The following COPG2 variants were observed in gnomAD, a reference collection of about 807,000 sequenced individuals.
The protein encoded by COPG2 is coatomer subunit gamma-2.
Under a neutral mutation model 46.3 loss-of-function variants are expected in COPG2, and 37 were observed. The observed-to-expected ratio is 0.80, with a 90% CI of 0.61 to 1.05. The LOEUF (loss-of-function observed/expected upper bound fraction) is 1.05. Among genes scored for constraint, COPG2 ranks in the 50% least tolerant of loss-of-function variants. The pLI, the probability that COPG2 is intolerant of heterozygous loss-of-function variation, is 0.00. For missense variants in COPG2, 427 were observed against 387.8 expected (o/e 1.10, Z -0.85); for synonymous variants, 159 against 129.7 (o/e 1.23, Z -1.53).
At chr7:130,512,493 G>A (rs1799612012) in intron 20 of COPG2, among the ~76,000 whole-genome samples, 1 of 150,736 alleles carries the variant, frequency 6.6e-6, no homozygotes, top group African/African-American at 2.4e-5. Context: ...CTGTAGAGAT[G>A]GTAAGGCCGG....
rs189305277 is a variant in COPG2 at position 130,644,515 on chromosome 7, T to A, written c.323+8354A>T. Among the ~76,000 whole-genome samples, 13 of 152,268 alleles carry A rather than the reference T, an allele frequency of 8.5e-5. No homozygotes were observed. In the East Asian group the frequency reaches 2.3e-3, roughly 27 times the overall value. On this transcript the variant is annotated intron_variant, in intron 5 of 23. Coordinates refer to ENST00000425248, the MANE Select transcript of COPG2 (RefSeq NM_012133.6). ...AATGACAACCAAGGTTGTCACATAG[T>A]GATCAAGGTGCTCCATCTACCATTT...
In COPG2 at chr7:130,612,167, A is replaced by ATGG; in HGVS notation, c.563_564insCCA (p.Asp188_Asn189insHis). 1.2e-6 allele frequency: 2 copies of ATGG among 1,609,046 alleles called. No individual in the cohort carries two copies. Among genetic ancestry groups the ATGG allele is most frequent in the South Asian group, 2.2e-5 (2 of 90,806 alleles). The stretch of plus-strand genomic sequence containing the variant: ...ATGACAATACCTGGACCATAATATT[A>ATGG]TCACTTGATGCAGCTTCTTGGGCTT... On this transcript the variant is annotated inframe_insertion, in exon 8 of 24. Coordinates refer to ENST00000425248, the MANE Select transcript of COPG2 (RefSeq NM_012133.6).
chr7:130,526,344 G>A (rs1331731619), intron 20 of COPG2, among the ~76,000 whole-genome samples: 2 of 152,134 alleles, frequency 1.3e-5, no homozygotes, highest in African/African-American at 4.8e-5. Context: ...AGATGACTGA[G>A]CCCGATGAAG....
intron 9 of COPG2, chr7:130,605,145 A>C (rs1794705203): frequency 5.9e-6 from 3 of 510,642 alleles, no homozygotes; most frequent in Non-Finnish European, 7.8e-6. Flanking sequence ...TATTTTCTTT[A>C]ATCTGTTTTC....
chr7:130,535,285 G>A (rs1435199537), intron 20 of COPG2, among the ~76,000 whole-genome samples: 33 of 152,226 alleles, frequency 2.2e-4, no homozygotes, highest in East Asian at 7.8e-4. Context: ...ATGTGGAAGT[G>A]GGACAATGAG....
chr7:130,635,656 TC>T (rs1795322755), intron 5 of COPG2, among the ~76,000 whole-genome samples: 2 of 152,238 alleles, frequency 1.3e-5, no homozygotes, highest in Non-Finnish European at 2.9e-5. Context: ...AAAAACCAGC[TC>T]CTGGATTCAT....
chr7:130,524,244 T>G, intron 20 of COPG2, among the ~76,000 whole-genome samples: 1 of 151,934 alleles, frequency 6.6e-6, no homozygotes. Flanking sequence ...CAGAGATGAC[T>G]GCATCTGGTG....
At chr7:130,621,362 G>C (rs1373902854) in intron 5 of COPG2, among the ~76,000 whole-genome samples, 1 of 152,156 alleles carries the variant, frequency 6.6e-6, no homozygotes, top group African/African-American at 2.4e-5. Context: ...CAGCAGCACT[G>C]GGAAATCAAT....
At chr7:130,598,995 C>CATGCAAGGTCATGCAAGGTCAGGCAAGGT (rs1794582548) in intron 9 of COPG2, among the ~76,000 whole-genome samples, 1 of 152,158 alleles carries the variant, frequency 6.6e-6, no homozygotes, top group Admixed American at 6.5e-5. Context: ...TGCAAGGATT[C>CATGCAAGGTCATGCAAGGTCAGGCAAGGT]CAAGCAATCC....
chr7:130,615,206 G>C (rs1280610323), intron 6 of COPG2, among the ~76,000 whole-genome samples: 1 of 152,198 alleles, frequency 6.6e-6, no homozygotes, highest in Non-Finnish European at 1.5e-5. Flanking sequence ...CTCATAGGAA[G>C]TTATGTACAT....
intron 6 of COPG2, among the ~76,000 whole-genome samples, chr7:130,614,905 C>T (rs1379867407): frequency 1.3e-5 from 2 of 152,084 alleles, no homozygotes; most frequent in African/African-American, 4.8e-5. Context: ...CTTACCATAC[C>T]CTAGGAAAAT....
chr7:130,554,788 C>T (rs1793593583), intron 13 of COPG2, 64 bp from the exon 14 acceptor site: 1 of 398,356 alleles, frequency 2.5e-6, no homozygotes, highest in African/African-American at 2.1e-5. Context: ...AATGCTTACA[C>T]TCCAAGGTTT....
intron 20 of COPG2, chr7:130,509,749 C>T (rs1799566478): frequency 1.9e-6 from 1 of 516,022 alleles, no homozygotes; most frequent in South Asian, 1.4e-5. Flanking sequence ...AGTGTGTGGG[C>T]TGTGTGTGTG....
rs78874163 is a variant in COPG2 at position 130,654,309 on chromosome 7, G to C, written c.244-1361C>G. ...GAAATTCACAGATGCTAGAAATGAA[G>C]ACAACCAAACATTCACAGCCACAGA... On this transcript the variant is annotated intron_variant, in intron 4 of 23. Transcript: ENST00000425248. Among the ~76,000 whole-genome samples the C allele has an allele frequency of 7.0e-4, 106 of 152,252 alleles. No homozygotes were observed. The East Asian group carries it at 0.02, about 29-fold the overall frequency.
intron 5 of COPG2, among the ~76,000 whole-genome samples, chr7:130,621,093 AT>A (rs1795031694): frequency 1.3e-5 from 2 of 152,202 alleles, no homozygotes; most frequent in African/African-American, 4.8e-5. Context: ...CAGGAAGCAT[AT>A]GTGACAACGA....
At chr7:130,547,950 G>T (rs1793472230) in intron 19 of COPG2, 105 bp from the exon 20 acceptor site, 3 of 397,558 alleles carry the variant, frequency 7.5e-6, no homozygotes, top group African/African-American at 2.1e-5. Flanking sequence ...TATCTCTACA[G>T]AGCAGGGTAG....
intron 4 of COPG2, among the ~76,000 whole-genome samples, chr7:130,656,305 T>A (rs375799088): frequency 3.0e-4 from 45 of 152,038 alleles, no homozygotes; most frequent in African/African-American, 9.2e-4. Flanking sequence ...ACAAGATCAA[T>A]AAAGTTTATA....
chr7:130,516,789 G>C (rs1216836009), intron 20 of COPG2, among the ~76,000 whole-genome samples: 1 of 152,184 alleles, frequency 6.6e-6, no homozygotes, highest in Non-Finnish European at 1.5e-5. Flanking sequence ...TGTCCAGGAA[G>C]CTTTGTTGGA....
At chr7:130,548,917 C>CAA (rs1397008620) in intron 18 of COPG2, among the ~76,000 whole-genome samples, 1 of 122,472 alleles carries the variant, frequency 8.2e-6, no homozygotes, top group African/African-American at 3.1e-5. Flanking sequence ...GACTCTGTCT[C>CAA]AAAAAAAAAA....
Sources: allele counts gnomAD v4.1 joint callset (sites outside exome capture counted in the v4.1 genomes callset), GRCh38; gene constraint gnomAD v4.1.1; transcripts MANE v1.5; gene names NCBI Gene and HGNC (gene_info 2026-07-23, HGNC 2026-07-21).